DSC3: variants seen among roughly 807,000 people sequenced by gnomAD.
DSC3 encodes desmocollin 3.
In DSC3, 97 loss-of-function variants were observed where a neutral mutation model predicts 89.5. That is an observed-to-expected ratio of 1.08 (90% CI 0.92 to 1.28). DSC3 has a LOEUF of 1.28. Ranked by LOEUF, DSC3 falls within the 50% of genes most tolerant of loss-of-function variation. The pLI is 0.00. For missense variants in DSC3, 1,199 were observed against 1,085.3 expected (o/e 1.10, Z -1.47); for synonymous variants, 436 against 384.1 (o/e 1.14, Z -1.58).
chr18:31,040,028 C>T (rs1193049579), intron 1 of DSC3, among the ~76,000 whole-genome samples: 2 of 152,058 alleles, frequency 1.3e-5, no homozygotes, highest in Admixed American at 6.6e-5. Flanking sequence ...AGAGCAAAAA[C>T]ATCACAAGTT....
chr18:31,022,830 A>G (rs1985469717), intron 6 of DSC3, among the ~76,000 whole-genome samples: 1 of 152,212 alleles, frequency 6.6e-6, no homozygotes, highest in Admixed American at 6.5e-5. Flanking sequence ...ACCTAGATGG[A>G]GGAATAAACC....
rs1984224777 is a variant in DSC3 at position 30,991,100 on chromosome 18, C to G, written c.*3075G>C. On this transcript the variant is annotated 3_prime_UTR_variant, in exon 16 of 16. Coordinates refer to ENST00000360428, the MANE Select transcript of DSC3 (RefSeq NM_001941.5). ...ATTGTTTTATTACATCTCCCCACATCTGTAAATATTACTTTACGCATCCAA... is the reference window on the plus strand; with the variant it reads ...ATTGTTTTATTACATCTCCCCACATGTGTAAATATTACTTTACGCATCCAA... 1 of 152,618 alleles carries G rather than the reference C, an allele frequency of 6.6e-6. No homozygotes were observed. The highest frequency in any genetic ancestry group is 1.5e-5 in the Non-Finnish European group (1 of 68,038). 9.5% of individuals were successfully genotyped at this position (152,618 alleles called of 1,614,324 possible). A position where few individuals can be genotyped will look rare whatever the true frequency, so the allele number is the denominator to read the frequency against.
At chr18:31,003,387 G>A (rs893353126) in intron 13 of DSC3, among the ~76,000 whole-genome samples, 1 of 152,156 alleles carries the variant, frequency 6.6e-6, no homozygotes, top group Non-Finnish European at 1.5e-5. Flanking sequence ...TACAGTAGGT[G>A]TTTGATATAT....
At chr18:31,012,191 G>A (rs1454358351) in intron 9 of DSC3, among the ~76,000 whole-genome samples, 2 of 152,090 alleles carry the variant, frequency 1.3e-5, no homozygotes, top group African/African-American at 4.8e-5. Flanking sequence ...GACTATGAAT[G>A]ACTCAAAGGA....
intron 1 of DSC3, 91 bp downstream of exon 1, chr18:31,042,501 T>C: frequency 7.4e-7 from 1 of 1,343,098 alleles, no homozygotes; most frequent in Middle Eastern, 1.8e-4. Flanking sequence ...GTTGTCACGT[T>C]TCGGCCCGCT....
At chr18:31,000,237 A>G (rs1344910333) in intron 14 of DSC3, among the ~76,000 whole-genome samples, 1 of 151,874 alleles carries the variant, frequency 6.6e-6, no homozygotes, top group East Asian at 1.9e-4. Flanking sequence ...TGCCACTTTG[A>G]CTCTGCTTTT....
At chr18:31,036,470 T>A (rs897539903) in intron 1 of DSC3, among the ~76,000 whole-genome samples, 2 of 152,134 alleles carry the variant, frequency 1.3e-5, no homozygotes, top group African/African-American at 2.4e-5. Flanking sequence ...ATAAACAGAG[T>A]GCTTCAATTT....
In DSC3 at chr18:31,007,866, C is replaced by T. The variant is rs28501227; in HGVS notation, c.1663+150G>A. ...GCTTCTTGTCACCAAACAGTTTCAC[C>T]TTGTTAGATAATTAAGAGAGACAGA... On this transcript the variant is annotated intron_variant, in intron 11 of 15. Coordinates refer to ENST00000360428, the MANE Select transcript of DSC3 (RefSeq NM_001941.5). The T allele has an allele frequency of 5.4e-3, 4,148 of 762,830 alleles. 112 individuals carry two copies. In the African/African-American group the frequency reaches 0.067, roughly 12 times the overall value. 47.3% of individuals were successfully genotyped at this position (762,830 alleles called of 1,614,324 possible).
chr18:31,019,743 A>T (rs1319499527), intron 7 of DSC3, among the ~76,000 whole-genome samples: 5 of 110,082 alleles, frequency 4.5e-5, no homozygotes, highest in African/African-American at 1.9e-4. Flanking sequence ...GTGAGTTATG[A>T]TCATGCCACA....
intron 1 of DSC3, among the ~76,000 whole-genome samples, chr18:31,033,877 G>T (rs1215800342): frequency 1.3e-5 from 2 of 152,172 alleles, no homozygotes; most frequent in Non-Finnish European, 2.9e-5. Flanking sequence ...AGTCTGGAGT[G>T]CAGTGGCACG....
intron 12 of DSC3, among the ~76,000 whole-genome samples, chr18:31,006,524 T>C (rs905277052): frequency 2.0e-5 from 3 of 152,096 alleles, no homozygotes; most frequent in African/African-American, 7.2e-5. Flanking sequence ...GGTCTTGAAC[T>C]CCTGACCTCA....
rs1984871682 is a variant in DSC3 at position 31,007,041 on chromosome 18, C to G, written c.1754G>C (p.Cys585Ser). ...PEILQEYVVICKPKMGYTDIL... is the reference protein window; with the variant it reads ...PEILQEYVVISKPKMGYTDIL... ...GTCGGTATACCCCATTTTTGGTTTG[C>G]AAATGACTACATATTCTTGAAGTAT... The change falls in exon 12 of 16, where the codon TGC (cysteine) becomes TCC (serine). Residue 585 changes from cysteine (C) to serine (S), a missense_variant. Coordinates refer to ENST00000360428, the MANE Select transcript of DSC3 (RefSeq NM_001941.5). 6.2e-7 allele frequency: 1 copy of G among 1,613,760 alleles called. No individual in the cohort carries two copies. Among genetic ancestry groups the G allele is most frequent in the African/African-American group, 1.3e-5 (1 of 74,890 alleles).
At chr18:31,019,392 A>G (rs1985344583) in intron 7 of DSC3, among the ~76,000 whole-genome samples, 1 of 152,180 alleles carries the variant, frequency 6.6e-6, no homozygotes, top group African/African-American at 2.4e-5. Flanking sequence ...CCCAGCCAGA[A>G]CATTTGAGTT....
rs1435811282 is a variant in DSC3 at position 30,993,757 on chromosome 18, T to C, written c.*418A>G. On this transcript the variant is annotated 3_prime_UTR_variant, in exon 16 of 16. Coordinates refer to ENST00000360428, the MANE Select transcript of DSC3 (RefSeq NM_001941.5). ...TTTTAATTTAATTCAGTCTTCATTG[T>C]TTCTTTTCCAAAACTTTCTTCACAT... The C allele has an allele frequency of 1.2e-5, 2 of 170,690 alleles. No homozygotes were observed. The highest frequency in any genetic ancestry group is 1.2e-4 in the Admixed American group (2 of 17,180). The allele number at this position is 170,690 out of a possible 1,614,324, so 10.6% of individuals were successfully genotyped here. A position where few individuals can be genotyped will look rare whatever the true frequency, so the allele number is the denominator to read the frequency against.
chr18:31,037,388 C>G (rs766552693), intron 1 of DSC3, among the ~76,000 whole-genome samples: 13 of 152,072 alleles, frequency 8.5e-5, no homozygotes, highest in Non-Finnish European at 1.6e-4. Context: ...TTCTTTTAAT[C>G]CTACAAGTCT....
intron 7 of DSC3, among the ~76,000 whole-genome samples, chr18:31,022,133 G>A (rs1453105409): frequency 2.0e-5 from 3 of 152,056 alleles, no homozygotes; most frequent in African/African-American, 7.2e-5. Flanking sequence ...AATGCCAATT[G>A]ATCTGCGTTT....
chr18:31,041,811 C>T (rs537685820), intron 1 of DSC3, among the ~76,000 whole-genome samples: 1 of 152,228 alleles, frequency 6.6e-6, no homozygotes, highest in Non-Finnish European at 1.5e-5. Context: ...GTGCTCCGGC[C>T]GCGCAGTCCT....
At chr18:31,013,827 C>T (rs945561631) in intron 9 of DSC3, among the ~76,000 whole-genome samples, 3 of 152,042 alleles carry the variant, frequency 2.0e-5, no homozygotes, top group Non-Finnish European at 4.4e-5. Context: ...TTCTGGAGGA[C>T]AATCAGGCAA....
intron 3 of DSC3, 87 bp downstream of exon 3, chr18:31,030,886 C>A (rs938564186): frequency 3.4e-6 from 4 of 1,188,202 alleles, no homozygotes; most frequent in African/African-American, 3.1e-5. Flanking sequence ...GGGAAAATAC[C>A]CTATTTATCC....
Sources: gnomAD v4.1 joint callset for allele counts (sites outside exome capture counted in the v4.1 genomes callset) on GRCh38, gnomAD v4.1.1 for gene constraint, MANE v1.5 for transcripts, NCBI Gene and HGNC (gene_info 2026-07-23, HGNC 2026-07-21) for gene names.